SLC5A5: variants seen among roughly 807,000 people sequenced by gnomAD.
SLC5A5 encodes sodium/iodide cotransporter.
In SLC5A5, 56 loss-of-function variants were observed where a neutral mutation model predicts 68.6. The observed-to-expected ratio is 0.82, with a 90% CI of 0.66 to 1.02. The LOEUF (loss-of-function observed/expected upper bound fraction) is 1.02. Ranked by LOEUF, SLC5A5 falls within the 50% of genes least tolerant of loss-of-function variation. The pLI, the probability that SLC5A5 is intolerant of heterozygous loss-of-function variation, is 0.00. For synonymous variants in SLC5A5, 398 were observed against 373.0 expected (o/e 1.07, Z -0.77); for missense variants, 807 against 859.8 (o/e 0.94, Z 0.77).
intron 12 of SLC5A5, among the ~76,000 whole-genome samples, chr19:17,885,283 T>TG (rs2094330756): frequency 6.6e-6 from 1 of 152,110 alleles, no homozygotes; most frequent in Admixed American, 6.6e-5. Context: ...AGTGCCAGGA[T>TG]GACAGGTGTG....
At chr19:17,887,747 G>A (rs1208254677) in intron 12 of SLC5A5, among the ~76,000 whole-genome samples, 5 of 151,544 alleles carry the variant, frequency 3.3e-5, no homozygotes, top group African/African-American at 7.3e-5. Context: ...ACTGGCACCC[G>A]CCATCAGGCC....
rs772763011 is a variant in SLC5A5, at chr19:17,894,143, CTTTTTT to C, written c.*283_*288del. 5.9e-4 allele frequency: 156 copies of C among 262,700 alleles called. No homozygotes were observed. Among genetic ancestry groups the C allele is most frequent in the South Asian group, 1.3e-3 (35 of 27,900 alleles). 16.3% of individuals were successfully genotyped at this position (262,700 alleles called of 1,614,324 possible). A position where few individuals can be genotyped will look rare whatever the true frequency, so the allele number is the denominator to read the frequency against. On this transcript the variant is annotated 3_prime_UTR_variant, in exon 15 of 15. Coordinates refer to ENST00000222248, the MANE Select transcript of SLC5A5 (RefSeq NM_000453.3). ...AATAAGGCTGGGTTTTTCTCTCTCT[CTTTTTT>C]TTTTTTTTTTTTTTTTGAGACAGGG...
Position 17,893,857 on chromosome 19 carries a change from C to A in SLC5A5, c.1912C>A (p.Gln638Lys), listed in dbSNP as rs377058074. 1 of 1,570,896 alleles carries A rather than the reference C, an allele frequency of 6.4e-7. No individual in the cohort carries two copies. Among genetic ancestry groups the A allele is most frequent in the African/African-American group, 1.4e-5 (1 of 73,510 alleles). ...PCVGHDGGRDQQETNL is the reference protein window; with the variant it reads ...PCVGHDGGRDKQETNL ...TGTTGGACATGATGGTGGTCGAGAC[C>A]AGCAGGAGACAAACCTCTGAGGACA... Residue 638 changes from glutamine (Q) to lysine (K), a missense_variant, in exon 15 of 15, where the codon CAG (glutamine) becomes AAG (lysine). Transcript: ENST00000222248.
chr19:17,883,579 C>G, intron 10 of SLC5A5, 102 bp from the exon 11 acceptor site: 1 of 937,786 alleles, frequency 1.1e-6, no homozygotes, highest in South Asian at 1.3e-5. Flanking sequence ...TCCTTGAGAC[C>G]CACATTGGAG....
At chr19:17,884,160 G>C (rs2094328167) in intron 12 of SLC5A5, 114 bp downstream of exon 12, 2 of 988,194 alleles carry the variant, frequency 2.0e-6, no homozygotes, top group Non-Finnish European at 3.1e-6. Context: ...ATGCATTCCT[G>C]GGGGAGGGAA....
chr19:17,880,992 C>G (rs2094319623), intron 8 of SLC5A5, 39 bp downstream of exon 8: 1 of 1,470,880 alleles, frequency 6.8e-7, no homozygotes, highest in African/African-American at 1.4e-5. Flanking sequence ...TTATTTCAGC[C>G]CCTGGGAGCC....
At chr19:17,874,250 A>T in intron 2 of SLC5A5, 47 bp downstream of exon 2, 1 of 1,322,418 alleles carries the variant, frequency 7.6e-7, no homozygotes, top group Non-Finnish European at 1.1e-6. Flanking sequence ...CGAGAGCGTC[A>T]GCCTTCACTA....
intron 12 of SLC5A5, among the ~76,000 whole-genome samples, chr19:17,885,637 TC>T (rs2094331492): frequency 6.6e-6 from 1 of 152,014 alleles, no homozygotes; most frequent in Non-Finnish European, 1.5e-5. Flanking sequence ...TGCCTCTGAC[TC>T]CCAAAGTGCT....
intron 1 of SLC5A5, 87 bp downstream of exon 1, chr19:17,872,763 T>G: frequency 1.2e-6 from 1 of 860,856 alleles, no homozygotes; most frequent in East Asian, 2.5e-5. Context: ...TTTGGGCCGC[T>G]GTACAGGAGG....
rs1178849923 is a variant in SLC5A5, at chr19:17,872,228, C to T, written c.-92C>T. The T allele has an allele frequency of 1.0e-5, 5 of 490,346 alleles. No individual in the cohort carries two copies. Among genetic ancestry groups the T allele is most frequent in the South Asian group, 1.7e-5 (1 of 57,212 alleles). The allele number at this position is 490,346 out of a possible 1,614,324, so 30.4% of individuals were successfully genotyped here. A position where few individuals can be genotyped will look rare whatever the true frequency, so the allele number is the denominator to read the frequency against. Reference sequence around the variant, plus strand: ...GGCTGCCGAGCATCCTCCCACCCGCCCTCCCCGTCCTGCCTCCTCGGCCCC... The same window carrying T: ...GGCTGCCGAGCATCCTCCCACCCGCTCTCCCCGTCCTGCCTCCTCGGCCCC... On this transcript the variant is annotated 5_prime_UTR_variant, in exon 1 of 15. Coordinates refer to ENST00000222248, the MANE Select transcript of SLC5A5 (RefSeq NM_000453.3).
intron 12 of SLC5A5, among the ~76,000 whole-genome samples, chr19:17,884,587 C>T (rs572943405): frequency 6.6e-6 from 1 of 151,538 alleles, no homozygotes; most frequent in South Asian, 2.1e-4. Flanking sequence ...GCTTGATCAA[C>T]ATGGGGAAAC....
In SLC5A5 at chr19:17,883,852, CG is replaced by C; in HGVS notation, c.1333del (p.Val445SerfsTer5). 1 of 1,597,308 alleles carries C rather than the reference CG, an allele frequency of 6.3e-7. No homozygotes were observed. The highest frequency in any genetic ancestry group is 2.3e-5 in the East Asian group (1 of 43,906). On this transcript the variant is annotated frameshift_variant, in exon 12 of 15. Coordinates refer to ENST00000222248, the MANE Select transcript of SLC5A5 (RefSeq NM_000453.3). ...MFLPACNTPG[V>X]LAGLGAGLAL... ...CCTGACGCCGGCTCTGCCCCCAGGG[CG>C]TCCTCGCGGGACTAGGCGCGGGCTT...
At chr19:17,880,819 C>T (rs1304755186) in intron 7 of SLC5A5, 46 bp from the exon 8 acceptor site, 2 of 1,410,234 alleles carry the variant, frequency 1.4e-6, no homozygotes, top group Non-Finnish European at 2.0e-6. Context: ...ATGCCCCGGT[C>T]CTCGGGGTGC....
chr19:17,887,827 C>T (rs1227390950), intron 12 of SLC5A5, among the ~76,000 whole-genome samples: 3 of 151,622 alleles, frequency 2.0e-5, no homozygotes, highest in South Asian at 2.1e-4. Flanking sequence ...AGGATGGTCT[C>T]GATCTCCTGA....
At chr19:17,877,688 T>G (rs373545031) in intron 5 of SLC5A5, 35 bp from the exon 6 acceptor site, 4 of 1,613,204 alleles carry the variant, frequency 2.5e-6, no homozygotes, top group Non-Finnish European at 3.4e-6. Flanking sequence ...CAGCGTGACA[T>G]CTCCACGTGG....
chr19:17,892,356 C>T (rs535159300), intron 14 of SLC5A5, among the ~76,000 whole-genome samples: 112 of 151,664 alleles, frequency 7.4e-4, no homozygotes, highest in African/African-American at 2.5e-3. Flanking sequence ...AAGGAAAGAG[C>T]CAGGCGTGAT....
intron 13 of SLC5A5, among the ~76,000 whole-genome samples, chr19:17,889,813 A>T (rs1452418306): frequency 6.6e-6 from 1 of 152,170 alleles, no homozygotes; most frequent in Non-Finnish European, 1.5e-5. Context: ...CTGGTGCTGA[A>T]ATATCTTCTA....
chr19:17,888,588 CTTA>C (rs10651875), intron 13 of SLC5A5, 133 bp downstream of exon 13: 19,832 of 466,790 alleles, frequency 0.042, 597 homozygotes, highest in African/African-American at 0.083. Flanking sequence ...ACATTTGTAC[CTTA>C]TTATTATTAT....
rs983471414 is a variant in SLC5A5, at chr19:17,894,192, G to A, written c.*315G>A. The A allele has an allele frequency of 2.5e-5, 8 of 319,146 alleles. No homozygotes were observed. The highest frequency in any genetic ancestry group is 2.0e-4 in the African/African-American group (8 of 40,398). The allele number at this position is 319,146 out of a possible 1,614,324, so 19.8% of individuals were successfully genotyped here. A position where few individuals can be genotyped will look rare whatever the true frequency, so the allele number is the denominator to read the frequency against. Reference sequence around the variant, plus strand: ...AGACAGGGTCATGCTCTGTCACCCAGGCTGGAGTGCAGTGGTGTGATCTCG... The same window carrying A: ...AGACAGGGTCATGCTCTGTCACCCAAGCTGGAGTGCAGTGGTGTGATCTCG... On this transcript the variant is annotated 3_prime_UTR_variant, in exon 15 of 15. Transcript: ENST00000222248.
Sources: gnomAD v4.1 joint callset for allele counts (sites outside exome capture counted in the v4.1 genomes callset) on GRCh38, gnomAD v4.1.1 for gene constraint, MANE v1.5 for transcripts, NCBI Gene and HGNC (gene_info 2026-07-23, HGNC 2026-07-21) for gene names.